The following TPR variants were observed in gnomAD, a reference collection of about 807,000 sequenced individuals.
TPR encodes translocated promoter region, nuclear basket protein.
A neutral mutation model predicts 316.1 loss-of-function variants in TPR; 51 were observed. The ratio of observed to expected loss-of-function variants is 0.16; its 90% CI spans 0.13 to 0.20. The LOEUF (loss-of-function observed/expected upper bound fraction) is 0.20. TPR is among the 10% of genes least tolerant of loss of function. The pLI is 1.00. For missense variants in TPR, 2,272 were observed against 2,754.8 expected (o/e 0.82, Z 3.92); for synonymous variants, 981 against 914.7 (o/e 1.07, Z -1.31).
rs774219309 is a variant in TPR, at chr1:186,313,936, A to C, written c.*35T>G. ...ATCATTACACTAAAACAGATTTGAT[A>C]ATCTTATTCACAGTTGTTATTGTTT... On this transcript the variant is annotated 3_prime_UTR_variant, in exon 51 of 51. Coordinates refer to ENST00000367478, the MANE Select transcript of TPR (RefSeq NM_003292.3). 6.3e-7 allele frequency: 1 copy of C among 1,598,806 alleles called. No homozygotes were observed. Among genetic ancestry groups the C allele is most frequent in the East Asian group, 2.2e-5 (1 of 44,706 alleles).
chr1:186,373,576 G>A, intron 1 of TPR, 113 bp from the exon 2 acceptor site: 1 of 595,868 alleles, frequency 1.7e-6, no homozygotes, highest in South Asian at 2.5e-5. Flanking sequence ...TACAGTATTA[G>A]AATTGTGCTC....
Position 186,346,137 on chromosome 1 carries a change from G to T in TPR, c.3094C>A (p.Gln1032Lys). Residue 1032 changes from glutamine to lysine, a missense_variant and splice_region_variant, in exon 23 of 51, where the codon CAG becomes AAG. Gln to Lys is a moderately conservative substitution (Grantham distance 53). This residue lies in a region of TPR where 757 missense variants were observed against 859.8 expected (regional missense o/e 0.88). Coordinates refer to ENST00000367478, the MANE Select transcript of TPR (RefSeq NM_003292.3). ...KRRAIESMEQQLSELKKTLSS... is the reference protein window; with the variant it reads ...KRRAIESMEQKLSELKKTLSS... ...ATTAATACGGTTAACCTATTTACCT[G>T]TTGTTCCATGCTCTCTATGGCTCTT... is the stretch of plus-strand genomic sequence containing the variant. 2 of 1,600,372 alleles carry T rather than the reference G, an allele frequency of 1.2e-6. No individual in the cohort carries two copies. The highest frequency in any genetic ancestry group is 1.7e-5 in the Admixed American group (1 of 57,816).
Position 186,327,499 on chromosome 1 carries a change from A to T in TPR, c.5850T>A (p.Asp1950Glu). The T allele has an allele frequency of 2.5e-6, 4 of 1,610,540 alleles. No individual in the cohort carries two copies. Among genetic ancestry groups the T allele is most frequent in the Middle Eastern group, 1.7e-4 (1 of 6,054 alleles). ...CATTTTCATCATCATCCTCTTCTTC[A>T]TCATCACTGTCAATTACAATGACAT... ...GDDVIVIDSD[D>E]EEEDDDENDG... Residue 1950 changes from aspartate to glutamate, a missense_variant, in exon 40 of 51, where the codon GAT becomes GAA. Asp to Glu is a conservative substitution (Grantham distance 45). This residue lies in a region of TPR where 435 missense variants were observed against 461.1 expected (regional missense o/e 0.94). Coordinates refer to ENST00000367478, the MANE Select transcript of TPR (RefSeq NM_003292.3).
At chr1:186,351,266 C>A in intron 20 of TPR, 64 bp downstream of exon 20, 1 of 1,482,912 alleles carries the variant, frequency 6.7e-7, no homozygotes, top group Non-Finnish European at 9.0e-7. Context: ...GCAGACTGTC[C>A]ACACACCAGA....
At chr1:186,367,473 C>T (rs150602060) in intron 4 of TPR, among the ~76,000 whole-genome samples, 2 of 152,298 alleles carry the variant, frequency 1.3e-5, no homozygotes, top group East Asian at 3.9e-4. Flanking sequence ...TCTCTGCCTC[C>T]TTCAGTCTGT....
intron 30 of TPR, 65 bp downstream of exon 30, chr1:186,339,567 ACTTGGGGAGT>A: frequency 7.9e-7 from 1 of 1,258,290 alleles, no homozygotes; most frequent in Non-Finnish European, 1.0e-6. Flanking sequence ...GGAGGCAGGC[ACTTGGGGAGT>A]CATGTAAATA....
chr1:186,315,646 T>C (rs779466135), intron 49 of TPR, among the ~76,000 whole-genome samples: 2 of 151,850 alleles, frequency 1.3e-5, no homozygotes, highest in Non-Finnish European at 2.9e-5. Flanking sequence ...GATCATGTCA[T>C]GTCATTATTC....
intron 3 of TPR, among the ~76,000 whole-genome samples, chr1:186,369,332 T>C (rs1011931699): frequency 2.0e-5 from 3 of 152,326 alleles, no homozygotes; most frequent in Admixed American, 6.5e-5. Flanking sequence ...TGAATCTTTT[T>C]ACCACTTTAT....
At chr1:186,343,498 T>G (rs767069038) in intron 26 of TPR, 25 bp from the exon 27 acceptor site, 1 of 1,587,714 alleles carries the variant, frequency 6.3e-7, no homozygotes, top group South Asian at 1.2e-5. Context: ...ATATTAAAAT[T>G]TTATGTGAAT....
intron 2 of TPR, among the ~76,000 whole-genome samples, chr1:186,371,778 A>T (rs1317018502): frequency 6.6e-6 from 1 of 152,182 alleles, no homozygotes; most frequent in East Asian, 1.9e-4. Context: ...AATCCCCATT[A>T]AATGTGTCTA....
At chr1:186,365,989 A>C (rs1659331196) in intron 4 of TPR, among the ~76,000 whole-genome samples, 1 of 152,204 alleles carries the variant, frequency 6.6e-6, no homozygotes. Context: ...CATATTGGTA[A>C]CAGACTATCT....
At chr1:186,320,552 A>G (rs1657747770) in intron 45 of TPR, 134 bp from the exon 46 acceptor site, 2 of 743,356 alleles carry the variant, frequency 2.7e-6, no homozygotes, top group Admixed American at 3.2e-5. Context: ...AATAAAGTCT[A>G]TTTATTTTAA....
chr1:186,367,744 G>T, intron 4 of TPR, 142 bp downstream of exon 4: 1 of 522,746 alleles, frequency 1.9e-6, no homozygotes, highest in Non-Finnish European at 3.4e-6. Context: ...AAATGAGTAG[G>T]AGAAATAATA....
Position 186,359,765 on chromosome 1 carries a change from G to T in TPR, c.1389+34C>A, listed in dbSNP as rs759252405. The T allele has an allele frequency of 7.7e-6, 12 of 1,561,402 alleles. No individual in the cohort carries two copies. In the African/African-American group the frequency reaches 1.5e-4, roughly 20 times the overall value. ...TAGTAAATCATTTCTCATTTGTATT[G>T]TTACCACGGCTAAATTTTAGGAATG... On this transcript the variant is annotated intron_variant, in intron 12 of 50. Coordinates refer to ENST00000367478, the MANE Select transcript of TPR (RefSeq NM_003292.3).
intron 18 of TPR, among the ~76,000 whole-genome samples, chr1:186,352,559 C>T (rs1216176756): frequency 1.3e-5 from 2 of 152,128 alleles, no homozygotes; most frequent in African/African-American, 4.8e-5. Context: ...GAGTCTGAGT[C>T]TCAAGGGGAC....
At chr1:186,342,167 G>A (rs1433465489) in intron 27 of TPR, 1 of 152,240 alleles carries the variant, frequency 6.6e-6, no homozygotes, top group Non-Finnish European at 1.5e-5. Context: ...TAGAGACGGG[G>A]TTTCACCGTG....
chr1:186,314,083 T>C (rs561254154), intron 50 of TPR, 57 bp from the exon 51 acceptor site: 14 of 1,506,382 alleles, frequency 9.3e-6, no homozygotes, highest in Non-Finnish European at 1.1e-5. Context: ...AAAACTAGTG[T>C]ATTCACTTAC....
chr1:186,351,378 C>T lies in TPR; in HGVS notation c.2562G>A (p.Lys854=). Residue 854 remains lysine, a synonymous_variant, in exon 20 of 51, where the codon AAG becomes AAA. Transcript: ENST00000367478. ...GCCTTTGTTCCACCTCATTTTCCAA[C>T]TTCTTCTTTAGATGAGAGATCTCAT... ...LEHEISHLKK[K]LENEVEQRHT... 1 of 1,612,504 alleles carries T rather than the reference C, an allele frequency of 6.2e-7. No homozygotes were observed. Among genetic ancestry groups the T allele is most frequent in the South Asian group, 1.1e-5 (1 of 90,642 alleles).
chr1:186,365,972 C>G (rs768073484), intron 4 of TPR, among the ~76,000 whole-genome samples: 1 of 152,140 alleles, frequency 6.6e-6, no homozygotes, highest in Non-Finnish European at 1.5e-5. Context: ...CTAGCAGTGT[C>G]AGAAAACATA....
Sources: gnomAD v4.1 joint callset for allele counts (sites outside exome capture counted in the v4.1 genomes callset) on GRCh38, gnomAD v4.1.1 for gene constraint, gnomAD v4.1.1 regional missense constraint, MANE v1.5 for transcripts, NCBI Gene and HGNC (gene_info 2026-07-23, HGNC 2026-07-21) for gene names.